Variants in DGCR8 observed in about 807,000 individuals in gnomAD.
DGCR8 encodes the protein microprocessor complex subunit DGCR8.
Under a neutral mutation model 78.5 loss-of-function variants are expected in DGCR8, and 14 were observed. The ratio of observed to expected loss-of-function variants is 0.18; its 90% confidence interval spans 0.12 to 0.28. The LOEUF is 0.28. Ranked by LOEUF, DGCR8 falls within the 10% of genes least tolerant of loss-of-function variation. The pLI, the probability that DGCR8 is intolerant of heterozygous loss-of-function variation, is 1.00. For missense variants in DGCR8, 702 were observed against 1,022.5 expected (o/e 0.69, Z 4.28); for synonymous variants, 399 against 402.4 (o/e 0.99, Z 0.10).
chr22:20,080,506 AGCCCGGCCTTTGTGAGGCAACAT>A, intron 1 of DGCR8, 123 bp downstream of exon 1: 1 of 981,978 alleles, frequency 1.0e-6, no homozygotes, highest in Non-Finnish European at 1.2e-6. Context: ...GGGGGCGCGG[AGCCCGGCCTTTGTGAGGCAACAT>A]GGCCGCGGGC....
intron 9 of DGCR8, among the ~76,000 whole-genome samples, chr22:20,098,714 C>T (rs1438595942): frequency 1.3e-5 from 2 of 152,130 alleles, no homozygotes; most frequent in African/African-American, 2.4e-5. Flanking sequence ...GGCCTTTCTC[C>T]GTGGGTGGAG....
At position 20,087,436 on chromosome 22, in the gene DGCR8, A is replaced by G. The variant is rs941607630; in HGVS notation, c.880+115A>G. 1.3e-5 allele frequency: 16 copies of G among 1,214,492 alleles called. No homozygotes were observed. In the African/African-American group the frequency reaches 2.3e-4, roughly 17 times the overall value. The allele number at this position is 1,214,492 out of a possible 1,614,324, so 75.2% of individuals were successfully genotyped here. A position where few individuals can be genotyped will look rare whatever the true frequency, so the allele number is the denominator to read the frequency against. On this transcript the variant is annotated intron_variant, in intron 3 of 13. Coordinates refer to ENST00000351989, the MANE Select transcript of DGCR8 (RefSeq NM_022720.7). This position sits in a 1 kb window ranked among gnomAD's most constrained non-coding sequence, Gnocchi z 4.1. ...GCCAGGTAGTGGGCTGGGTGGAGGC[A>G]TGTTTGAGGACAGGACAGAAATATC... is the stretch of plus-strand genomic sequence containing the variant.
intron 13 of DGCR8, 180 bp downstream of exon 13, chr22:20,109,183 C>T (rs900629114): frequency 6.0e-6 from 3 of 501,992 alleles, no homozygotes; most frequent in African/African-American, 5.8e-5. Context: ...TTTTATAAAT[C>T]ACTTCAGTTT....
intron 1 of DGCR8, among the ~76,000 whole-genome samples, chr22:20,082,221 G>A (rs543238634): frequency 5.3e-5 from 8 of 149,952 alleles, no homozygotes; most frequent in Non-Finnish European, 1.2e-4. Flanking sequence ...CACCACGCCC[G>A]GCTGATTTTT....
At chr22:20,081,552 C>A (rs375277602) in intron 1 of DGCR8, among the ~76,000 whole-genome samples, 7 of 152,226 alleles carry the variant, frequency 4.6e-5, no homozygotes, top group Non-Finnish European at 1.0e-4. Context: ...GTAGTCTCAC[C>A]GTGACCTTGG....
chr22:20,095,893 G>T (rs1185079010), intron 9 of DGCR8, among the ~76,000 whole-genome samples: 1 of 152,072 alleles, frequency 6.6e-6, no homozygotes, highest in Admixed American at 6.6e-5. Flanking sequence ...TTTGCATAAG[G>T]AGTACACAAC....
intron 1 of DGCR8, among the ~76,000 whole-genome samples, chr22:20,081,716 T>A (rs992049687): frequency 6.6e-6 from 1 of 152,216 alleles, no homozygotes; most frequent in African/African-American, 2.4e-5. Context: ...ATTTCCAGCC[T>A]GGTGTTTCTG....
Position 20,111,228 on chromosome 22 carries a change from C to T in DGCR8, c.*1120C>T, listed in dbSNP as rs1426665640. The T allele has an allele frequency of 7.5e-6, 3 of 398,784 alleles. No individual in the cohort carries two copies. The South Asian group carries it at 3.8e-4, about 51-fold the overall frequency. 24.7% of individuals were successfully genotyped at this position (398,784 alleles called of 1,614,324 possible). ...CCGGAGTCTGAGGCACCAGGGTGTG[C>T]TCAAAGGCTGGCCCTGGTGGTGGAC... On this transcript the variant is annotated 3_prime_UTR_variant, in exon 14 of 14. Transcript: ENST00000351989.
rs370894392 is a variant in DGCR8 at position 20,086,786 on chromosome 22, AC to A, written c.720+104del. 176 of 1,295,344 alleles carry A rather than the reference AC, an allele frequency of 1.4e-4. No individual in the cohort carries two copies. In the African/African-American group the frequency reaches 1.8e-3, roughly 13 times the overall value. The allele number at this position is 1,295,344 out of a possible 1,614,324, so 80.2% of individuals were successfully genotyped here. A position where few individuals can be genotyped will look rare whatever the true frequency, so the allele number is the denominator to read the frequency against. ...AGCAGGGAAATTAAAAAAAAAAAAA[AC>A]AAAAACCAAAATCCCCTCTGAGGTG... On this transcript the variant is annotated intron_variant, in intron 2 of 13. Coordinates refer to ENST00000351989, the MANE Select transcript of DGCR8 (RefSeq NM_022720.7). This position sits in a 1 kb window ranked among gnomAD's most constrained non-coding sequence, Gnocchi z 6.4.
chr22:20,106,114 G>A (rs1602496401), intron 9 of DGCR8, 63 bp from the exon 10 acceptor site: 1 of 1,419,806 alleles, frequency 7.0e-7, no homozygotes, highest in Admixed American at 1.7e-5. Context: ...CCAACCGCAG[G>A]CCCAGCCATG....
Position 20,108,873 on chromosome 22 carries a change from G to C in DGCR8, c.2125-17G>C, listed in dbSNP as rs1369140681. On this transcript the variant is annotated splice_polypyrimidine_tract_variant and intron_variant, in intron 12 of 13. Coordinates refer to ENST00000351989, the MANE Select transcript of DGCR8 (RefSeq NM_022720.7). ...CTACAGCCTGCAGTCCTGAGCGTGA[G>C]GTGCTATACTTCCCAGGAGACATCG... 2.2e-6 allele frequency: 3 copies of C among 1,349,122 alleles called. No homozygotes were observed. The highest frequency in any genetic ancestry group is 3.2e-6 in the Non-Finnish European group (3 of 940,614). 83.6% of individuals were successfully genotyped at this position (1,349,122 alleles called of 1,614,324 possible). A position where few individuals can be genotyped will look rare whatever the true frequency, so the allele number is the denominator to read the frequency against.
At chr22:20,082,931 C>G (rs2049434595) in intron 1 of DGCR8, among the ~76,000 whole-genome samples, 1 of 152,162 alleles carries the variant, frequency 6.6e-6, no homozygotes, top group Non-Finnish European at 1.5e-5. Context: ...ATCCGGTGGC[C>G]CATCTCTCTC....
At chr22:20,092,013 G>A in intron 7 of DGCR8, 43 bp downstream of exon 7, 2 of 1,529,714 alleles carry the variant, frequency 1.3e-6, no homozygotes, top group Non-Finnish European at 1.8e-6. Context: ...GAATCACAAG[G>A]TGTAACTTTG....
intron 5 of DGCR8, among the ~76,000 whole-genome samples, chr22:20,090,815 A>G (rs919225383): frequency 2.0e-5 from 3 of 152,128 alleles, no homozygotes; most frequent in African/African-American, 7.2e-5. Context: ...CTGTGAACCC[A>G]CCTGCTGGAT....
intron 1 of DGCR8, among the ~76,000 whole-genome samples, chr22:20,082,159 C>T (rs1203866612): frequency 2.6e-5 from 4 of 151,316 alleles, no homozygotes; most frequent in African/African-American, 4.9e-5. Context: ...CGGGTTCAAG[C>T]GATTCTCCTG....
At chr22:20,104,077 C>T (rs1390663147) in intron 9 of DGCR8, among the ~76,000 whole-genome samples, 1 of 152,066 alleles carries the variant, frequency 6.6e-6, no homozygotes, top group Non-Finnish European at 1.5e-5. Flanking sequence ...GAGCTGGAGC[C>T]TCCACCTGTC....
In DGCR8 at chr22:20,085,913, TGA is replaced by T. The variant is rs2049475862; in HGVS notation, c.-49_-48del. 5 of 1,513,584 alleles carry T rather than the reference TGA, an allele frequency of 3.3e-6. No homozygotes were observed. The highest frequency in any genetic ancestry group is 2.1e-5 in the Admixed American group (1 of 46,778). The allele number at this position is 1,513,584 out of a possible 1,614,324, so 93.8% of individuals were successfully genotyped here. A position where few individuals can be genotyped will look rare whatever the true frequency, so the allele number is the denominator to read the frequency against. On this transcript the variant is annotated 5_prime_UTR_variant, in exon 2 of 14. It removes the in-frame stop codon of an upstream open reading frame in the 5' UTR. Coordinates refer to ENST00000351989, the MANE Select transcript of DGCR8 (RefSeq NM_022720.7). The surrounding 1 kb of genome is among the most constrained non-coding windows in gnomAD (Gnocchi z 6.2). ...TGCATGTTAGCTGTGTAGATTTATG[TGA>T]GGGCTTGTAAAACTCTGGTCTTGTA...
chr22:20,086,615 G>A lies in DGCR8; in HGVS notation c.652G>A (p.Gly218Arg), dbSNP rs777536932. 4.3e-6 allele frequency: 7 copies of A among 1,612,918 alleles called. No homozygotes were observed. The highest frequency in any genetic ancestry group is 2.2e-5 in the East Asian group (1 of 44,876). Reference protein sequence around the residue: ...NLELDEEGAGGFTAKAIVQRD... With the variant: ...NLELDEEGAGRFTAKAIVQRD... The stretch of plus-strand genomic sequence containing the variant: ...GGAGCTAGATGAAGAAGGAGCAGGC[G>A]GGTTCACGGCTAAAGCAATCGTTCA... The change falls in exon 2 of 14, where the codon GGG becomes AGG. Residue 218 changes from glycine (G) to arginine (R), a missense_variant. Physicochemically the swap from Gly to Arg is moderately radical, Grantham distance 125. Coordinates refer to ENST00000351989, the MANE Select transcript of DGCR8 (RefSeq NM_022720.7). The surrounding 1 kb of genome is among the most constrained non-coding windows in gnomAD (Gnocchi z 6.4).
rs1568963433 is a variant in DGCR8 at position 20,108,895 on chromosome 22, AT to A, written c.2131del (p.Ser711ArgfsTer5). On this transcript the variant is annotated frameshift_variant, in exon 13 of 14. Transcript: ENST00000351989. LOFTEE classifies it high-confidence loss of function. ...ESSKMVKQET[S>X]DKSVIELQQY... is the part of the protein sequence containing the mutation. ...TGAGGTGCTATACTTCCCAGGAGAC[AT>A]CGGACAAGAGTGTGATTGAGCTGCA... The A allele has an allele frequency of 6.4e-7, 1 of 1,566,714 alleles. No homozygotes were observed.
Sources: allele counts gnomAD v4.1 joint callset (sites outside exome capture counted in the v4.1 genomes callset), GRCh38; gene constraint gnomAD v4.1.1; non-coding constraint Gnocchi (gnomAD v3.1); transcripts MANE v1.5; gene names NCBI Gene and HGNC (gene_info 2026-07-23, HGNC 2026-07-21).